MYO15B: variants seen among roughly 807,000 people sequenced by gnomAD.
MYO15B encodes myosin XVB pseudogene.
Under a neutral mutation model 119.3 loss-of-function variants are expected in MYO15B, and 207 were observed. The ratio of observed to expected loss-of-function variants is 1.73; its 90% confidence interval spans 1.55 to 1.95. The LOEUF is 1.95. Ranked by LOEUF, MYO15B falls within the 30% of genes most tolerant of loss-of-function variation. The probability of loss-of-function intolerance (pLI) is 0.00; values close to 1 mark genes in which losing one functional copy is unlikely to be tolerated. For missense variants in MYO15B, 2,264 were observed against 1,203.1 expected (o/e 1.88, Z -13.04); for synonymous variants, 966 against 498.9 (o/e 1.94, Z -12.48).
At chr17:75,594,900 T>C (rs1354934494) in exon 12 of MYO15B, 2 of 703,042 alleles carry the variant, frequency 2.8e-6, no homozygotes, top group Non-Finnish European at 5.2e-6. Flanking sequence ...GGAGAACCAA[T>C]GCACGGCTGG....
At chr17:75,614,875 C>A in intron 32 of MYO15B, 26 bp downstream of exon 32, 1 of 702,886 alleles carries the variant, frequency 1.4e-6, no homozygotes, top group Non-Finnish European at 2.6e-6. Flanking sequence ...CCCCCAAATG[C>A]CCCTGCCCCA....
In MYO15B at chr17:75,589,065, C is replaced by A. The variant is rs1598672433; in HGVS notation, c.1008C>A (p.Ala336=). Reference sequence around the variant, plus strand: ...CGGAGGACCCAGCCCCGCTGGCGGCCCTCCTGGTGGTCCGCAGGCTCCTCG... The same window carrying A: ...CGGAGGACCCAGCCCCGCTGGCGGCACTCCTGGTGGTCCGCAGGCTCCTCG... The change falls in exon 1 of 64, where the codon GCC becomes GCA. Residue 336 remains alanine (A), a synonymous_variant. Transcript: ENST00000645453. The surrounding 1 kb of genome is among the most constrained non-coding windows in gnomAD (Gnocchi z 4.2). The A allele has an allele frequency of 2.5e-6, 1 of 395,832 alleles. No individual in the cohort carries two copies. The highest frequency in any genetic ancestry group is 3.6e-5 in the East Asian group (1 of 27,888). 24.5% of individuals were successfully genotyped at this position (395,832 alleles called of 1,614,324 possible).
chr17:75,588,771 G>C (rs114717599), exon 1 of MYO15B: 1 of 398,706 alleles, frequency 2.5e-6, no homozygotes, highest in African/African-American at 2.1e-5. Flanking sequence ...ATTCCGGCGG[G>C]GACTCCGACT....
chr17:75,621,657 T>C, intron 52 of MYO15B, 87 bp downstream of exon 52: 1 of 662,000 alleles, frequency 1.5e-6, no homozygotes, highest in Non-Finnish European at 2.8e-6. Context: ...GAGCTCTGCC[T>C]GGCTCTGTCC....
In MYO15B at chr17:75,619,800, G is replaced by T; in HGVS notation, c.7301+1G>T. On this transcript the variant is annotated splice_donor_variant, in intron 46 of 63. Coordinates refer to ENST00000645453, the Ensembl canonical transcript of MYO15B. LOFTEE classifies it high-confidence loss of function. ...AGCTGAAGATTCTCTGCTCATACAG[G>T]TGCGCTAGCCCACGACCCTGGGCTA... The T allele has an allele frequency of 2.8e-6, 2 of 702,820 alleles. No homozygotes were observed. Among genetic ancestry groups the T allele is most frequent in the Middle Eastern group, 2.3e-4 (1 of 4,370 alleles). 43.5% of individuals were successfully genotyped at this position (702,820 alleles called of 1,614,324 possible).
rs991896530 is a variant in MYO15B at position 75,626,283 on chromosome 17, C to T, written c.9213+55C>T. 121 of 699,126 alleles carry T rather than the reference C, an allele frequency of 1.7e-4. No individual in the cohort carries two copies. The African/African-American group carries it at 1.7e-3, about 10-fold the overall frequency. The allele number at this position is 699,126 out of a possible 1,614,324, so 43.3% of individuals were successfully genotyped here. On this transcript the variant is annotated intron_variant, in intron 63 of 63. Coordinates refer to ENST00000645453, the Ensembl canonical transcript of MYO15B. ...GAAGGTGGATGTGAGGGCCTTGCCCCAGCATGGCGTGCAGTGGGAGCCCAG... is the reference window on the plus strand; with the variant it reads ...GAAGGTGGATGTGAGGGCCTTGCCCTAGCATGGCGTGCAGTGGGAGCCCAG...
exon 47 of MYO15B, chr17:75,619,966 C>A: frequency 1.4e-6 from 1 of 702,806 alleles, no homozygotes. Context: ...TGCACACAGC[C>A]CGGGCAAGGG....
chr17:75,596,668 C>A, intron 13 of MYO15B, 100 bp from the exon 14 acceptor site: 1 of 674,500 alleles, frequency 1.5e-6, no homozygotes, highest in Admixed American at 2.1e-5. Context: ...AGGCCCCTTT[C>A]CATGAGGTGT....
exon 40 of MYO15B, chr17:75,616,884 G>A: frequency 1.4e-6 from 1 of 703,050 alleles, no homozygotes; most frequent in South Asian, 1.5e-5. Context: ...GCCTCCCAAA[G>A]CTTTCCTGAG....
At chr17:75,612,663 CAAA>C (rs11336364) in intron 25 of MYO15B, 132 bp from the exon 26 acceptor site, 2,467 of 506,624 alleles carry the variant, frequency 4.9e-3, no homozygotes, top group East Asian at 7.5e-3. Flanking sequence ...GACTCTGCCT[CAAA>C]AAAAAAAAAA....
At chr17:75,615,068 C>T (rs1160685359) in intron 33 of MYO15B, 26 bp downstream of exon 33, 6 of 699,058 alleles carry the variant, frequency 8.6e-6, no homozygotes, top group South Asian at 1.5e-5. Flanking sequence ...ATTCCTCACC[C>T]AGGGCCTCCG....
rs1358651378 is a variant in MYO15B, at chr17:75,617,065, C to T, written c.6595-20C>T. On this transcript the variant is annotated intron_variant, in intron 40 of 63. Coordinates refer to ENST00000645453, the Ensembl canonical transcript of MYO15B. Reference sequence around the variant, plus strand: ...CTTGTGCTGTGACTCAGCCCGTGTACTTTCTCCGTATCCCCCCAGATGCTG... The same window carrying T: ...CTTGTGCTGTGACTCAGCCCGTGTATTTTCTCCGTATCCCCCCAGATGCTG... The T allele has an allele frequency of 1.5e-6, 1 of 685,606 alleles. No individual in the cohort carries two copies. Among genetic ancestry groups the T allele is most frequent in the Non-Finnish European group, 2.7e-6 (1 of 372,940 alleles). The allele number at this position is 685,606 out of a possible 1,614,324, so 42.5% of individuals were successfully genotyped here.
chr17:75,626,061 A>C (rs1345571840), intron 62 of MYO15B, 27 bp from the exon 63 acceptor site: 1 of 700,302 alleles, frequency 1.4e-6, no homozygotes, highest in Non-Finnish European at 2.6e-6. Flanking sequence ...CGGAGAGGAG[A>C]CCAGCCCTGC....
chr17:75,607,888 T>A (rs2147927112), intron 21 of MYO15B, among the ~76,000 whole-genome samples: 1 of 152,332 alleles, frequency 6.6e-6, no homozygotes, highest in East Asian at 1.9e-4. Flanking sequence ...AGTGGCTGCA[T>A]CATTTTATGT....
intron 15 of MYO15B, among the ~76,000 whole-genome samples, chr17:75,602,057 G>A (rs1415910700): frequency 6.6e-6 from 1 of 152,116 alleles, no homozygotes; most frequent in African/African-American, 2.4e-5. Flanking sequence ...CTGGGGGTGG[G>A]GGAGCGGGGG....
exon 63 of MYO15B, chr17:75,626,162 C>T: frequency 1.4e-6 from 1 of 703,062 alleles, no homozygotes; most frequent in Non-Finnish European, 2.6e-6. Context: ...AGAAGGGGCC[C>T]CCTGGCCTGG....
intron 52 of MYO15B, 199 bp downstream of exon 52, chr17:75,621,769 G>T: frequency 1.7e-6 from 1 of 601,290 alleles, no homozygotes; most frequent in Non-Finnish European, 3.0e-6. Flanking sequence ...GGAGTCTGGG[G>T]TTGGAAGGCA....
At chr17:75,593,019 A>G (rs1326829062) in intron 9 of MYO15B, 179 bp downstream of exon 9, 2 of 556,452 alleles carry the variant, frequency 3.6e-6, no homozygotes, top group Non-Finnish European at 6.4e-6. Flanking sequence ...CCACTCTCCC[A>G]ATGTCTGTGC....
At chr17:75,596,728 C>T in intron 13 of MYO15B, 40 bp from the exon 14 acceptor site, 2 of 686,088 alleles carry the variant, frequency 2.9e-6, no homozygotes, top group Non-Finnish European at 5.3e-6. Flanking sequence ...GGAGGGTTAT[C>T]CCTGCTCCTG....
Sources: gnomAD v4.1 joint callset for allele counts (sites outside exome capture counted in the v4.1 genomes callset) on GRCh38, gnomAD v4.1.1 for gene constraint, Gnocchi (gnomAD v3.1) non-coding constraint, MANE v1.5 for transcripts, NCBI Gene and HGNC (gene_info 2026-07-23, HGNC 2026-07-21) for gene names.